The following GRIK4 variants were observed in gnomAD, a reference collection of about 807,000 sequenced individuals.
GRIK4 encodes the protein glutamate receptor ionotropic, kainate 4.
In GRIK4, 40 loss-of-function variants were observed where a neutral mutation model predicts 104.9. That is an observed-to-expected ratio of 0.38 (90% CI 0.30 to 0.50). The LOEUF is 0.50. Ranked by LOEUF, GRIK4 falls within the 20% of genes least tolerant of loss-of-function variation. The pLI, the probability that GRIK4 is intolerant of heterozygous loss-of-function variation, is 0.93. For missense variants in GRIK4, 1,047 were observed against 1,308.1 expected, an observed-to-expected ratio of 0.80 and a Z score of 3.08; for synonymous variants, 485 against 524.9, an observed-to-expected ratio of 0.92 and a Z score of 1.04.
intron 11 of GRIK4, among the ~76,000 whole-genome samples, chr11:120,889,897 C>G (rs1474400314): frequency 6.6e-6 from 1 of 152,112 alleles, no homozygotes; most frequent in African/African-American, 2.4e-5. Flanking sequence ...AGTCACTGCA[C>G]CCAGTCAGAG....
intron 8 of GRIK4, among the ~76,000 whole-genome samples, chr11:120,852,278 T>C (rs1457785504): frequency 6.6e-6 from 1 of 152,248 alleles, no homozygotes; most frequent in Non-Finnish European, 1.5e-5. Context: ...TCTGCCTTCC[T>C]CTTCCTGGAA....
chr11:120,984,401 AACAT>A (rs1392849643), intron 20 of GRIK4, among the ~76,000 whole-genome samples: 5 of 152,232 alleles, frequency 3.3e-5, no homozygotes, highest in African/African-American at 4.8e-5. Flanking sequence ...AATTTTTGGC[AACAT>A]ACATAACTTC....
At chr11:120,869,553 C>T (rs79937271) in intron 9 of GRIK4, 5,675 of 152,408 alleles carry the variant, frequency 0.037, 333 homozygotes, top group African/African-American at 0.13. Context: ...TCTCAGCATC[C>T]ACATCATGTG....
At chr11:120,574,420 C>T (rs1259972244) in intron 1 of GRIK4, among the ~76,000 whole-genome samples, 1 of 152,160 alleles carries the variant, frequency 6.6e-6, no homozygotes, top group East Asian at 1.9e-4. Context: ...TAAATTCTCC[C>T]AACAGTCCTA....
At chr11:120,733,713 G>T (rs1198995713) in intron 3 of GRIK4, among the ~76,000 whole-genome samples, 5 of 150,356 alleles carry the variant, frequency 3.3e-5, no homozygotes, top group Admixed American at 6.6e-5. Context: ...AATTTTTATT[G>T]GTTCATTGTT....
intron 3 of GRIK4, among the ~76,000 whole-genome samples, chr11:120,676,767 G>A (rs1406475448): frequency 6.6e-6 from 1 of 152,186 alleles, no homozygotes; most frequent in East Asian, 1.9e-4. Flanking sequence ...ATTTCAACAT[G>A]AGTTTGATGG....
chr11:120,972,828 A>G (rs926252249), intron 19 of GRIK4, among the ~76,000 whole-genome samples: 1 of 152,112 alleles, frequency 6.6e-6, no homozygotes, highest in Non-Finnish European at 1.5e-5. Context: ...GGTATGACGC[A>G]TATTTCTGGA....
At chr11:120,915,918 G>T (rs1281026004) in intron 13 of GRIK4, among the ~76,000 whole-genome samples, 1 of 152,198 alleles carries the variant, frequency 6.6e-6, no homozygotes, top group Non-Finnish European at 1.5e-5. Context: ...ACAGCAAGTG[G>T]CCAGAGCCCA....
intron 3 of GRIK4, among the ~76,000 whole-genome samples, chr11:120,731,428 T>C (rs1357046690): frequency 6.6e-6 from 1 of 152,180 alleles, no homozygotes; most frequent in Non-Finnish European, 1.5e-5. Flanking sequence ...TACTTGATCA[T>C]GATGAATGAT....
intron 3 of GRIK4, among the ~76,000 whole-genome samples, chr11:120,724,076 T>C (rs2135380673): frequency 6.6e-6 from 1 of 152,294 alleles, no homozygotes. Flanking sequence ...TTTTCATCTG[T>C]TTTCTTTCAG....
chr11:120,763,221 G>T lies in GRIK4; in HGVS notation c.83-39472G>T, dbSNP rs535707677. Among the ~76,000 whole-genome samples, 55 of 152,240 alleles carry T rather than the reference G, an allele frequency of 3.6e-4. No homozygotes were observed. In the South Asian group the frequency reaches 4.1e-3, roughly 11 times the overall value. On this transcript the variant is annotated intron_variant, in intron 3 of 20. Coordinates refer to ENST00000527524, the MANE Select transcript of GRIK4 (RefSeq NM_014619.5). ...TATCCATTTTTTTCTAGATTTTCTA[G>T]TTTATTTGCATAGAGGTGTTTATAG...
chr11:120,586,789 G>A (rs1303149860), intron 1 of GRIK4, among the ~76,000 whole-genome samples: 1 of 152,148 alleles, frequency 6.6e-6, no homozygotes, highest in African/African-American at 2.4e-5. Context: ...AAGCCCCAGG[G>A]TGCCGAGAAA....
At chr11:120,977,719 CTA>C (rs1944584729) in intron 19 of GRIK4, among the ~76,000 whole-genome samples, 1 of 152,220 alleles carries the variant, frequency 6.6e-6, no homozygotes, top group Non-Finnish European at 1.5e-5. Context: ...GAAAGAAAGA[CTA>C]TGGGGTGTTT....
At chr11:120,665,168 T>C (rs1210646690) in intron 3 of GRIK4, among the ~76,000 whole-genome samples, 1 of 151,978 alleles carries the variant, frequency 6.6e-6, no homozygotes, top group Non-Finnish European at 1.5e-5. Flanking sequence ...TATCCTGTTA[T>C]GCTGTGTATT....
chr11:120,658,055 G>T (rs747695992), intron 2 of GRIK4, among the ~76,000 whole-genome samples: 4 of 152,134 alleles, frequency 2.6e-5, no homozygotes, highest in Non-Finnish European at 4.4e-5. Context: ...TATATAGACA[G>T]AATTATTCTG....
intron 3 of GRIK4, among the ~76,000 whole-genome samples, chr11:120,748,640 T>C (rs930628986): frequency 1.3e-4 from 20 of 152,166 alleles, no homozygotes; most frequent in Non-Finnish European, 1.9e-4. Flanking sequence ...ACTTGGTTTT[T>C]CCCCACAATG....
chr11:120,765,105 G>C (rs1951811472), intron 3 of GRIK4, among the ~76,000 whole-genome samples: 1 of 151,956 alleles, frequency 6.6e-6, no homozygotes, highest in Non-Finnish European at 1.5e-5. Context: ...ATCAAACGTA[G>C]GTTTTGTCTT....
chr11:120,829,189 C>T (rs1479014637), intron 6 of GRIK4, among the ~76,000 whole-genome samples: 2 of 152,136 alleles, frequency 1.3e-5, no homozygotes, highest in Admixed American at 6.5e-5. Flanking sequence ...CCACAGCCTG[C>T]TCAGGAGATA....
chr11:120,657,001 A>G (rs1382670089), intron 2 of GRIK4, among the ~76,000 whole-genome samples: 1 of 152,210 alleles, frequency 6.6e-6, no homozygotes, highest in East Asian at 1.9e-4. Context: ...CAGTCTGCTT[A>G]ATAATTATGG....
Sources: allele counts gnomAD v4.1 joint callset (sites outside exome capture counted in the v4.1 genomes callset), GRCh38; gene constraint gnomAD v4.1.1; transcripts MANE v1.5; gene names NCBI Gene and HGNC (gene_info 2026-07-23, HGNC 2026-07-21).